The following FAM135B variants were observed in gnomAD, a reference collection of about 807,000 sequenced individuals.
FAM135B encodes the protein protein FAM135B.
FAM135B carries 43 observed loss-of-function variants against 127.7 expected under a neutral mutation model. The ratio of observed to expected loss-of-function variants is 0.34; its 90% CI spans 0.26 to 0.43. The LOEUF (loss-of-function observed/expected upper bound fraction) is 0.43. Ranked by LOEUF, FAM135B falls within the 20% of genes least tolerant of loss-of-function variation. The probability of loss-of-function intolerance (pLI) is 1.00; values close to 1 mark genes in which losing one functional copy is unlikely to be tolerated. For missense variants in FAM135B, 1,558 were observed against 1,725.6 expected (o/e 0.90, Z 1.72); for synonymous variants, 670 against 665.1 (o/e 1.01, Z -0.11).
At chr8:138,376,989 G>T (rs547979239) in intron 1 of FAM135B, among the ~76,000 whole-genome samples, 24 of 152,240 alleles carry the variant, frequency 1.6e-4, no homozygotes, top group African/African-American at 5.5e-4. Flanking sequence ...TTTTTTAAAT[G>T]TACTAGAGCA....
intron 11 of FAM135B, among the ~76,000 whole-genome samples, chr8:138,171,430 A>G (rs537244008): frequency 4.1e-4 from 63 of 152,296 alleles, no homozygotes; most frequent in African/African-American, 1.5e-3. Flanking sequence ...TACAATGCCT[A>G]TCACCTTCCA....
At chr8:138,474,761 T>G (rs1379211039) in intron 1 of FAM135B, among the ~76,000 whole-genome samples, 2 of 152,208 alleles carry the variant, frequency 1.3e-5, no homozygotes, top group Non-Finnish European at 2.9e-5. Context: ...TAAATATTTA[T>G]GTACTGTTTG....
At chr8:138,491,393 A>G (rs1037295239) in intron 1 of FAM135B, among the ~76,000 whole-genome samples, 64 of 152,280 alleles carry the variant, frequency 4.2e-4, no homozygotes, top group African/African-American at 1.3e-3. Flanking sequence ...GTCCCAAGAA[A>G]TGTTTCATAA....
chr8:138,211,653 A>C (rs2129856895), intron 7 of FAM135B, among the ~76,000 whole-genome samples: 1 of 152,352 alleles, frequency 6.6e-6, no homozygotes, highest in Non-Finnish European at 1.5e-5. Flanking sequence ...GCTGCTCTGC[A>C]CTTATTGACT....
At chr8:138,230,153 G>A (rs1167529323) in intron 7 of FAM135B, among the ~76,000 whole-genome samples, 1 of 152,190 alleles carries the variant, frequency 6.6e-6, no homozygotes, top group Non-Finnish European at 1.5e-5. Context: ...AATTGTGCAT[G>A]TAAAGATGAA....
intron 1 of FAM135B, among the ~76,000 whole-genome samples, chr8:138,473,875 G>A (rs1016857516): frequency 6.6e-6 from 1 of 151,968 alleles, no homozygotes; most frequent in African/African-American, 2.4e-5. Flanking sequence ...TAATTTTATT[G>A]TTTTAATTCA....
chr8:138,219,557 G>C (rs577331998), intron 7 of FAM135B, among the ~76,000 whole-genome samples: 2 of 152,182 alleles, frequency 1.3e-5, no homozygotes, highest in African/African-American at 2.4e-5. Context: ...TGGGGATTGA[G>C]AAAATAACAA....
chr8:138,170,217 CT>C (rs141401317), intron 11 of FAM135B, among the ~76,000 whole-genome samples: 17,913 of 111,860 alleles, frequency 0.16, 1,277 homozygotes, highest in East Asian at 0.26. Context: ...CTGTTACTAT[CT>C]TTTTTTTTTT....
intron 1 of FAM135B, among the ~76,000 whole-genome samples, chr8:138,408,044 AC>A (rs1370194004): frequency 2.0e-5 from 3 of 152,200 alleles, no homozygotes; most frequent in Non-Finnish European, 4.4e-5. Context: ...TTTCTAGAGC[AC>A]AGGCAGAGTA....
intron 2 of FAM135B, among the ~76,000 whole-genome samples, chr8:138,355,401 G>A (rs946723215): frequency 3.2e-4 from 48 of 152,104 alleles, no homozygotes; most frequent in Non-Finnish European, 5.6e-4. Context: ...AAAAAATGGT[G>A]AGTTCATGTC....
At chr8:138,168,474 G>C (rs1820143927) in intron 11 of FAM135B, among the ~76,000 whole-genome samples, 1 of 151,670 alleles carries the variant, frequency 6.6e-6, no homozygotes, top group Non-Finnish European at 1.5e-5. Flanking sequence ...TCATATTTTG[G>C]CATATTTGAA....
At chr8:138,301,593 C>T (rs1294931110) in intron 3 of FAM135B, among the ~76,000 whole-genome samples, 1 of 152,170 alleles carries the variant, frequency 6.6e-6, no homozygotes, top group Non-Finnish European at 1.5e-5. Flanking sequence ...TCAACAAATA[C>T]ACATGAGATG....
intron 4 of FAM135B, among the ~76,000 whole-genome samples, chr8:138,261,592 A>T: frequency 6.6e-6 from 1 of 152,312 alleles, no homozygotes; most frequent in Admixed American, 6.5e-5. Flanking sequence ...TGCATTTTGT[A>T]AGGCTTCCCA....
chr8:138,315,693 T>C (rs1029605126), intron 2 of FAM135B, among the ~76,000 whole-genome samples: 4 of 151,958 alleles, frequency 2.6e-5, no homozygotes, highest in African/African-American at 9.7e-5. Context: ...AAGAAGATAC[T>C]TCCATTATCA....
chr8:138,178,573 C>T lies in FAM135B; in HGVS notation c.991G>A (p.Val331Met). 1.2e-6 allele frequency: 2 copies of T among 1,614,016 alleles called. No homozygotes were observed. Among genetic ancestry groups the T allele is most frequent in the East Asian group, 4.5e-5 (2 of 44,856 alleles). ...FLDTVTLHSQ[V>M]TTYLTQEHHT... ...TGTTCCTGGGTGAGATAAGTGGTCA[C>T]TTGGGAGTGCAGAGTGACTGTGTCC... The change falls in exon 10 of 20, where the codon GTG becomes ATG. Residue 331 changes from valine (V) to methionine (M), a missense_variant. Around this residue, in one of 5 missense-constraint regions of FAM135B, gnomAD observed 115 missense variants for 171.1 expected, o/e 0.67. Coordinates refer to ENST00000395297, the MANE Select transcript of FAM135B (RefSeq NM_015912.4).
intron 2 of FAM135B, among the ~76,000 whole-genome samples, chr8:138,358,179 A>G (rs1024582870): frequency 1.3e-5 from 2 of 152,126 alleles, no homozygotes; most frequent in Admixed American, 6.6e-5. Context: ...CCATGATTCA[A>G]TTACCTCCCA....
At chr8:138,378,999 C>T (rs575724474) in intron 1 of FAM135B, among the ~76,000 whole-genome samples, 1 of 152,254 alleles carries the variant, frequency 6.6e-6, no homozygotes, top group Admixed American at 6.5e-5. Flanking sequence ...AGGCATGGAG[C>T]CTTTTCCCTT....
At chr8:138,300,170 C>T (rs945651487) in intron 3 of FAM135B, among the ~76,000 whole-genome samples, 65 of 151,932 alleles carry the variant, frequency 4.3e-4, no homozygotes, top group African/African-American at 1.5e-3. Context: ...TCTCTGTGAG[C>T]AGGACTGTTA....
intron 2 of FAM135B, chr8:138,358,637 A>C (rs184822104): frequency 7.2e-5 from 11 of 152,296 alleles, no homozygotes; most frequent in African/African-American, 2.6e-4. Context: ...TAATAGAATA[A>C]ATGAAATTAG....
Sources: gnomAD v4.1 joint callset for allele counts (sites outside exome capture counted in the v4.1 genomes callset) on GRCh38, gnomAD v4.1.1 for gene constraint, gnomAD v4.1.1 regional missense constraint, MANE v1.5 for transcripts, NCBI Gene and HGNC (gene_info 2026-07-23, HGNC 2026-07-21) for gene names.